Variants in STX8 observed in about 807,000 individuals in gnomAD.
STX8 encodes the protein syntaxin 8.
A neutral mutation model predicts 37.5 loss-of-function variants in STX8; 23 were observed. The observed-to-expected ratio is 0.61, with a 90% CI of 0.44 to 0.87. The LOEUF (loss-of-function observed/expected upper bound fraction) is 0.87, where lower values mean the gene tolerates loss of function less well. Among genes scored for constraint, STX8 ranks in the 40% least tolerant of loss-of-function variants. STX8 has a pLI of 0.00. For missense variants in STX8, 313 were observed against 284.7 expected, an observed-to-expected ratio of 1.10 and a Z score of -0.71; for synonymous variants, 115 against 99.1, an observed-to-expected ratio of 1.16 and a Z score of -0.95.
intron 6 of STX8, among the ~76,000 whole-genome samples, chr17:9,487,707 A>C (rs1906660624): frequency 6.6e-6 from 1 of 152,104 alleles, no homozygotes; most frequent in Non-Finnish European, 1.5e-5. Context: ...CGGGTATGAG[A>C]TGGAGATGAG....
At chr17:9,297,907 T>C (rs1360824641) in intron 7 of STX8, among the ~76,000 whole-genome samples, 3 of 152,176 alleles carry the variant, frequency 2.0e-5, no homozygotes, top group African/African-American at 7.2e-5. Flanking sequence ...GAAGGGCAAG[T>C]TGGGACCCCA....
At chr17:9,388,006 C>T (rs1003349987) in intron 6 of STX8, among the ~76,000 whole-genome samples, 2 of 151,552 alleles carry the variant, frequency 1.3e-5, no homozygotes, top group African/African-American at 4.9e-5. Context: ...AGACCGAAAA[C>T]GAAGTTTTTC....
chr17:9,474,968 T>C (rs572502087), intron 6 of STX8, among the ~76,000 whole-genome samples: 1 of 152,170 alleles, frequency 6.6e-6, no homozygotes, highest in Non-Finnish European at 1.5e-5. Flanking sequence ...CAAGACTCTG[T>C]AGCAAAAAAC....
At chr17:9,334,804 C>T (rs1297036392) in intron 7 of STX8, among the ~76,000 whole-genome samples, 2 of 152,086 alleles carry the variant, frequency 1.3e-5, no homozygotes, top group African/African-American at 4.8e-5. Flanking sequence ...TAAATGAGCA[C>T]ATAAGACAGA....
intron 1 of STX8, among the ~76,000 whole-genome samples, chr17:9,571,599 CAAAAA>C (rs66741519): frequency 7.0e-5 from 7 of 99,854 alleles, no homozygotes; most frequent in African/African-American, 2.0e-4. Flanking sequence ...GACTTTGTCT[CAAAAA>C]AAAAAAAAAA....
At chr17:9,324,792 A>G (rs1162682921) in intron 7 of STX8, among the ~76,000 whole-genome samples, 1 of 151,344 alleles carries the variant, frequency 6.6e-6, no homozygotes, top group Non-Finnish European at 1.5e-5. Flanking sequence ...AAAAAAGAGA[A>G]GAGCTGGGTC....
chr17:9,270,034 T>G (rs115887788), intron 7 of STX8, among the ~76,000 whole-genome samples: 3,437 of 152,324 alleles, frequency 0.023, 120 homozygotes, highest in African/African-American at 0.078. Flanking sequence ...TGATTTACCT[T>G]CCCCGATGGC....
intron 6 of STX8, among the ~76,000 whole-genome samples, chr17:9,416,319 C>T (rs567944640): frequency 6.6e-6 from 1 of 151,832 alleles, no homozygotes; most frequent in African/African-American, 2.4e-5. Flanking sequence ...CTGTCCTTTG[C>T]TCAGTCCTGG....
At chr17:9,468,929 C>CGCA (rs1905728203) in intron 6 of STX8, among the ~76,000 whole-genome samples, 1 of 152,204 alleles carries the variant, frequency 6.6e-6, no homozygotes, top group Non-Finnish European at 1.5e-5. Flanking sequence ...GCTCCTCATA[C>CGCA]GCATCCCGCA....
chr17:9,485,645 G>C (rs1400823913), intron 6 of STX8, among the ~76,000 whole-genome samples: 1 of 151,236 alleles, frequency 6.6e-6, no homozygotes, highest in Non-Finnish European at 1.5e-5. Flanking sequence ...GAGTGCAGTG[G>C]CGTGATCTCA....
chr17:9,391,724 A>G lies in STX8; in HGVS notation c.542-13071T>C, dbSNP rs1251720957. Among the ~76,000 whole-genome samples the G allele has an allele frequency of 3.9e-5, 6 of 152,018 alleles. No homozygotes were observed. The South Asian group carries it at 8.3e-4, about 21-fold the overall frequency. ...GGTTACAGAAAAAGAGAGAGAGAAAAAAAAAAAGGAAACCATATTGCTATA... is the reference window on the plus strand; with the variant it reads ...GGTTACAGAAAAAGAGAGAGAGAAAGAAAAAAAGGAAACCATATTGCTATA... On this transcript the variant is annotated intron_variant, in intron 6 of 7. Coordinates refer to ENST00000306357, the MANE Select transcript of STX8 (RefSeq NM_004853.3).
intron 6 of STX8, among the ~76,000 whole-genome samples, chr17:9,407,007 A>G (rs1364679929): frequency 1.3e-5 from 2 of 152,154 alleles, no homozygotes; most frequent in Non-Finnish European, 2.9e-5. Flanking sequence ...TACTATTCAG[A>G]GGTATTATTC....
Position 9,561,530 on chromosome 17 carries a change from G to T in STX8, c.118-4002C>A, listed in dbSNP as rs573444822. Among the ~76,000 whole-genome samples the T allele has an allele frequency of 5.3e-5, 8 of 151,752 alleles. No homozygotes were observed. The South Asian group carries it at 1.5e-3, about 28-fold the overall frequency. ...AATAATTAGCCAGGCGTGGTGGCGG[G>T]TGCCTGTAATCCCAGCTACTTGGGA... On this transcript the variant is annotated intron_variant, in intron 2 of 7. Coordinates refer to ENST00000306357, the MANE Select transcript of STX8 (RefSeq NM_004853.3).
intron 2 of STX8, among the ~76,000 whole-genome samples, chr17:9,566,893 CCAGA>C (rs1321559658): frequency 1.3e-5 from 2 of 152,208 alleles, no homozygotes; most frequent in Non-Finnish European, 2.9e-5. Flanking sequence ...CAATGGTAGA[CCAGA>C]CAGAGAAAAT....
Position 9,330,659 on chromosome 17 carries a change from G to C in STX8, c.643+47893C>G, listed in dbSNP as rs182953914. ...GTTTGGGACGTGGGTTCACGTTTAC[G>C]AACAACAAGGGATGGCCCCTGGCAG... On this transcript the variant is annotated intron_variant, in intron 7 of 7. Coordinates refer to ENST00000306357, the MANE Select transcript of STX8 (RefSeq NM_004853.3). Among the ~76,000 whole-genome samples, 7 of 152,304 alleles carry C rather than the reference G, an allele frequency of 4.6e-5. No homozygotes were observed. The East Asian group carries it at 5.8e-4, about 13-fold the overall frequency.
chr17:9,557,293 C>T, intron 3 of STX8, 141 bp downstream of exon 3: 1 of 625,646 alleles, frequency 1.6e-6, no homozygotes, highest in Non-Finnish European at 2.8e-6. Flanking sequence ...AAATAGAAAT[C>T]AAGATTACAG....
intron 7 of STX8, among the ~76,000 whole-genome samples, chr17:9,336,064 C>T (rs2142224206): frequency 6.6e-6 from 1 of 152,268 alleles, no homozygotes; most frequent in East Asian, 1.9e-4. Context: ...CAAGGATGCT[C>T]TATTACTTTG....
chr17:9,460,744 A>T (rs1319736218), intron 6 of STX8, among the ~76,000 whole-genome samples: 3 of 152,104 alleles, frequency 2.0e-5, no homozygotes, highest in African/African-American at 7.2e-5. Flanking sequence ...GTAGAAAGAC[A>T]GTAAATATGT....
At position 9,337,961 on chromosome 17, in the gene STX8, G is replaced by A. The variant is rs111747542; in HGVS notation, c.643+40591C>T. ...CGGGGAAGGAAGTGAAGGAAGATTC[G>A]GCCTGAGACTAGATCCTGCTAGGCT... On this transcript the variant is annotated intron_variant, in intron 7 of 7. Transcript: ENST00000306357. Among the ~76,000 whole-genome samples, 4 of 151,990 alleles carry A rather than the reference G, an allele frequency of 2.6e-5. No homozygotes were observed. In the East Asian group the frequency reaches 5.8e-4, roughly 22 times the overall value.
Sources: allele counts gnomAD v4.1 joint callset (sites outside exome capture counted in the v4.1 genomes callset), GRCh38; gene constraint gnomAD v4.1.1; transcripts MANE v1.5; gene names NCBI Gene and HGNC (gene_info 2026-07-23, HGNC 2026-07-21).